Variants in PPP2R2C observed in about 807,000 individuals in gnomAD.
PPP2R2C encodes the protein protein phosphatase 2 regulatory subunit Bgamma.
Under a neutral mutation model 45.3 loss-of-function variants are expected in PPP2R2C, and 10 were observed. The ratio of observed to expected loss-of-function variants is 0.22; its 90% CI spans 0.14 to 0.37. PPP2R2C has a LOEUF of 0.37. Ranked by LOEUF, PPP2R2C falls within the 10% of genes least tolerant of loss-of-function variation. PPP2R2C has a pLI of 1.00. For synonymous variants in PPP2R2C, 257 were observed against 245.4 expected (o/e 1.05, Z -0.44); for missense variants, 308 against 619.7 (o/e 0.50, Z 5.34).
At chr4:6,350,835 A>G (rs1712483478) in intron 5 of PPP2R2C, 3 of 985,364 alleles carry the variant, frequency 3.0e-6, no homozygotes, top group Non-Finnish European at 3.6e-6. Flanking sequence ...ATCGCACCAA[A>G]GCCAGCCTGT....
At chr4:6,389,227 G>A (rs1035244282) in intron 1 of PPP2R2C, among the ~76,000 whole-genome samples, 5 of 152,196 alleles carry the variant, frequency 3.3e-5, no homozygotes, top group African/African-American at 4.8e-5. Flanking sequence ...GGACTAGGAC[G>A]TTCCCTGGAA....
intron 1 of PPP2R2C, among the ~76,000 whole-genome samples, chr4:6,465,342 A>C (rs192262997): frequency 2.3e-4 from 35 of 152,264 alleles, no homozygotes; most frequent in Admixed American, 1.3e-4. Context: ...GTGAGAGAGG[A>C]GCACGGACAT....
chr4:6,407,511 C>T (rs1036790152), intron 1 of PPP2R2C, among the ~76,000 whole-genome samples: 5 of 152,234 alleles, frequency 3.3e-5, no homozygotes, highest in African/African-American at 1.2e-4. Context: ...TCTCCAGCTT[C>T]AGCCTCCCAA....
At chr4:6,528,990 G>A (rs942118994) in intron 2 of PPP2R2C, among the ~76,000 whole-genome samples, 4 of 152,180 alleles carry the variant, frequency 2.6e-5, no homozygotes, top group African/African-American at 9.7e-5. Flanking sequence ...CCTGTTTGGT[G>A]GTCTCTTCAC....
chr4:6,389,491 T>C (rs951903060), intron 1 of PPP2R2C, among the ~76,000 whole-genome samples: 2 of 151,896 alleles, frequency 1.3e-5, no homozygotes, highest in African/African-American at 4.8e-5. Flanking sequence ...GAAGGAGGGG[T>C]CCGCCTGCTG....
chr4:6,381,140 G>A (rs372295309), intron 1 of PPP2R2C, 46 bp from the exon 2 acceptor site: 777 of 1,553,976 alleles, frequency 5.0e-4, no homozygotes, highest in Non-Finnish European at 6.4e-4. Flanking sequence ...GTCAGAACCC[G>A]CCTCTCCCGG....
chr4:6,482,743 G>C (rs1337494379), intron 2 of PPP2R2C, among the ~76,000 whole-genome samples: 2 of 152,184 alleles, frequency 1.3e-5, no homozygotes, highest in Admixed American at 6.5e-5. Context: ...CTAGTCGTTA[G>C]TTCCAATGCA....
chr4:6,516,914 G>A (rs1169796027), intron 2 of PPP2R2C, among the ~76,000 whole-genome samples: 4 of 152,198 alleles, frequency 2.6e-5, no homozygotes, highest in African/African-American at 4.8e-5. Context: ...AGCAGTCTTG[G>A]CGAGTGGCAT....
At chr4:6,535,096 C>T (rs946981603) in intron 2 of PPP2R2C, among the ~76,000 whole-genome samples, 8 of 152,128 alleles carry the variant, frequency 5.3e-5, no homozygotes, top group African/African-American at 1.7e-4. Flanking sequence ...AGGGCCCAGG[C>T]GGCAGGAGCC....
chr4:6,512,335 A>G (rs147184250), intron 2 of PPP2R2C, among the ~76,000 whole-genome samples: 156 of 8,346 alleles, frequency 0.019, no homozygotes, highest in Admixed American at 0.022. Flanking sequence ...AGTGGTGGTG[A>G]TGGTGATGGT....
intron 1 of PPP2R2C, among the ~76,000 whole-genome samples, chr4:6,462,336 G>A (rs199957536): frequency 7.9e-5 from 12 of 152,194 alleles, no homozygotes; most frequent in Admixed American, 3.3e-4. Context: ...TTAGTCGGGC[G>A]TGGTGGTGGG....
intron 2 of PPP2R2C, among the ~76,000 whole-genome samples, chr4:6,490,031 C>T (rs146060244): frequency 1.3e-3 from 197 of 152,280 alleles, no homozygotes; most frequent in Non-Finnish European, 2.0e-3. Flanking sequence ...AAATGACCTC[C>T]GCCTGCACAT....
chr4:6,449,692 C>T (rs1282539040), intron 1 of PPP2R2C, among the ~76,000 whole-genome samples: 4 of 152,348 alleles, frequency 2.6e-5, no homozygotes, highest in Admixed American at 2.0e-4. Flanking sequence ...AGTCCACGGG[C>T]CCCTGCCTGC....
intron 1 of PPP2R2C, among the ~76,000 whole-genome samples, chr4:6,415,050 A>G (rs1345059576): frequency 6.6e-6 from 1 of 152,246 alleles, no homozygotes; most frequent in Non-Finnish European, 1.5e-5. Context: ...ATCTGGGGAC[A>G]CAGGGCCATG....
At chr4:6,454,785 C>T (rs1174157310) in intron 1 of PPP2R2C, among the ~76,000 whole-genome samples, 1 of 152,214 alleles carries the variant, frequency 6.6e-6, no homozygotes, top group Non-Finnish European at 1.5e-5. Flanking sequence ...GGCTCAGCGT[C>T]CTGATGTGCA....
rs528309930 is a variant in PPP2R2C at position 6,340,185 on chromosome 4, T to C, written c.791-6454A>G. ...CAAACAAAAAACTCAAGCCCAGCTG[T>C]GGCCCCCAGGCCCGGCACGCTCTCC... is the stretch of plus-strand genomic sequence containing the variant. On this transcript the variant is annotated intron_variant, in intron 6 of 8. Coordinates refer to ENST00000382599, the MANE Select transcript of PPP2R2C (RefSeq NM_020416.4). Among the ~76,000 whole-genome samples, 4 of 152,272 alleles carry C rather than the reference T, an allele frequency of 2.6e-5. No individual in the cohort carries two copies. In the East Asian group the frequency reaches 7.7e-4, roughly 29 times the overall value.
chr4:6,445,959 G>A (rs1397784052), intron 1 of PPP2R2C, among the ~76,000 whole-genome samples: 2 of 152,146 alleles, frequency 1.3e-5, no homozygotes, highest in Non-Finnish European at 2.9e-5. Context: ...CAGCTTAGGC[G>A]ACTGCCCGGC....
chr4:6,442,770 C>T (rs917842776), intron 1 of PPP2R2C, among the ~76,000 whole-genome samples: 1 of 152,180 alleles, frequency 6.6e-6, no homozygotes, highest in Non-Finnish European at 1.5e-5. Context: ...CACCCCAGGC[C>T]ACACAGCTAG....
At chr4:6,551,451 T>G (rs1475554580) in intron 1 of PPP2R2C, among the ~76,000 whole-genome samples, 4 of 152,178 alleles carry the variant, frequency 2.6e-5, no homozygotes, top group African/African-American at 9.7e-5. Context: ...AGAGGTAAAG[T>G]GTTGTGGTAT....
Sources: allele counts gnomAD v4.1 joint callset (sites outside exome capture counted in the v4.1 genomes callset), GRCh38; gene constraint gnomAD v4.1.1; transcripts MANE v1.5; gene names NCBI Gene and HGNC (gene_info 2026-07-23, HGNC 2026-07-21).